IGF1R: variants seen among roughly 807,000 people sequenced by gnomAD.
The protein encoded by IGF1R is insulin-like growth factor 1 receptor.
IGF1R carries 44 observed loss-of-function variants against 144.6 expected under a neutral mutation model. The ratio of observed to expected loss-of-function variants is 0.30; its 90% CI spans 0.24 to 0.39. The LOEUF (loss-of-function observed/expected upper bound fraction) is 0.39. Ranked by LOEUF, IGF1R falls within the 10% of genes least tolerant of loss-of-function variation. The pLI is 1.00. For synonymous variants in IGF1R, 795 were observed against 722.8 expected, an observed-to-expected ratio of 1.10 and a Z score of -1.60; for missense variants, 1,355 against 1,833.7, an observed-to-expected ratio of 0.74 and a Z score of 4.77.
chr15:98,748,417 C>T (rs1327346719), intron 2 of IGF1R, among the ~76,000 whole-genome samples: 4 of 152,302 alleles, frequency 2.6e-5, no homozygotes, highest in African/African-American at 7.2e-5. Flanking sequence ...TCAAGTGATC[C>T]TCCTTCCCCA....
At chr15:98,928,568 T>C (rs888684572) in intron 13 of IGF1R, among the ~76,000 whole-genome samples, 1 of 152,218 alleles carries the variant, frequency 6.6e-6, no homozygotes, top group South Asian at 2.1e-4. Flanking sequence ...TCCAGTATCA[T>C]CATTTTCTAG....
intron 2 of IGF1R, among the ~76,000 whole-genome samples, chr15:98,829,447 G>A (rs763348731): frequency 4.6e-5 from 7 of 152,160 alleles, no homozygotes; most frequent in Non-Finnish European, 7.3e-5. Context: ...AGATGTTTGG[G>A]GGTTCAGATG....
At chr15:98,689,880 G>T (rs548041838) in intron 1 of IGF1R, among the ~76,000 whole-genome samples, 2 of 152,280 alleles carry the variant, frequency 1.3e-5, no homozygotes, top group Admixed American at 1.3e-4. Flanking sequence ...CTGTCCTCAC[G>T]CTGCCCTCAA....
chr15:98,813,972 G>C, intron 2 of IGF1R, among the ~76,000 whole-genome samples: 1 of 152,272 alleles, frequency 6.6e-6, no homozygotes, highest in East Asian at 1.9e-4. Context: ...GATGAGGTCC[G>C]GAATAGGTTC....
At chr15:98,918,793 C>T (rs576582412) in intron 10 of IGF1R, among the ~76,000 whole-genome samples, 14 of 152,252 alleles carry the variant, frequency 9.2e-5, no homozygotes, top group African/African-American at 3.1e-4. Context: ...GCAGGATAAT[C>T]GCTTGAACCC....
intron 2 of IGF1R, among the ~76,000 whole-genome samples, chr15:98,766,194 A>T (rs1344950710): frequency 1.3e-5 from 2 of 152,198 alleles, no homozygotes; most frequent in African/African-American, 4.8e-5. Flanking sequence ...TCATTGAATC[A>T]GAATTCCCCT....
At chr15:98,700,451 G>A (rs2053701111) in intron 1 of IGF1R, among the ~76,000 whole-genome samples, 1 of 152,158 alleles carries the variant, frequency 6.6e-6, no homozygotes, top group Non-Finnish European at 1.5e-5. Context: ...TCCTAGGGCA[G>A]TGGGTCTCAC....
At position 98,860,271 on chromosome 15, in the gene IGF1R, G is replaced by A. The variant is rs1450980362; in HGVS notation, c.641-31054G>A. On this transcript the variant is annotated intron_variant, in intron 2 of 20. Coordinates refer to ENST00000650285, the MANE Select transcript of IGF1R (RefSeq NM_000875.5). ...AAGTCATGATTTTCGGAGTCAGTGCGCAGCACTTAGTACAACAATCCAAAC... is the reference window on the plus strand; with the variant it reads ...AAGTCATGATTTTCGGAGTCAGTGCACAGCACTTAGTACAACAATCCAAAC... Among the ~76,000 whole-genome samples the A allele has an allele frequency of 3.3e-5, 5 of 152,224 alleles. No homozygotes were observed. The South Asian group carries it at 6.2e-4, about 19-fold the overall frequency.
Position 98,707,732 on chromosome 15 carries a change from C to A in IGF1R, c.265C>A (p.Arg89=), listed in dbSNP as rs121912428. 1 of 1,613,994 alleles carries A rather than the reference C, an allele frequency of 6.2e-7. No homozygotes were observed. Among genetic ancestry groups the A allele is most frequent in the African/African-American group, 1.3e-5 (1 of 74,884 alleles). ...TVITEYLLLF[R]VAGLESLGDL... ...CATTACCGAGTACTTGCTGCTGTTC[C>A]GAGTGGCTGGCCTCGAGAGCCTCGG... Residue 89 remains arginine (R), a synonymous_variant, in exon 2 of 21, where the codon CGA becomes AGA. Coordinates refer to ENST00000650285, the MANE Select transcript of IGF1R (RefSeq NM_000875.5). The surrounding 1 kb of genome is among the most constrained non-coding windows in gnomAD (Gnocchi z 6.7).
intron 13 of IGF1R, 125 bp downstream of exon 13, chr15:98,924,809 G>T: frequency 1.1e-6 from 1 of 908,106 alleles, no homozygotes; most frequent in Non-Finnish European, 1.8e-6. Flanking sequence ...GCTTCCAGAA[G>T]GGTCATGCTA....
At chr15:98,877,077 G>A (rs1292265882) in intron 2 of IGF1R, among the ~76,000 whole-genome samples, 1 of 152,210 alleles carries the variant, frequency 6.6e-6, no homozygotes, top group Non-Finnish European at 1.5e-5. Context: ...AAGCTGGAAA[G>A]ATAAGAAATA....
intron 2 of IGF1R, among the ~76,000 whole-genome samples, chr15:98,770,331 G>T (rs2055553089): frequency 6.6e-6 from 1 of 152,234 alleles, no homozygotes; most frequent in Admixed American, 6.5e-5. Context: ...GGTTACCAGA[G>T]ACTGGGAAAG....
intron 2 of IGF1R, among the ~76,000 whole-genome samples, chr15:98,732,334 T>G (rs1358703515): frequency 6.6e-6 from 1 of 152,160 alleles, no homozygotes; most frequent in Non-Finnish European, 1.5e-5. Flanking sequence ...GATAAGTCAA[T>G]TCAGGCAGAT....
Position 98,893,750 on chromosome 15 carries a change from C to T in IGF1R, c.953+2113C>T, listed in dbSNP as rs905408018. ...GTCCATTTGACAGTGTTGTTTCTTC[C>T]GCTCTAGTGCACTCTTCAGAGAATT... On this transcript the variant is annotated intron_variant, in intron 3 of 20. Coordinates refer to ENST00000650285, the MANE Select transcript of IGF1R (RefSeq NM_000875.5). 9.9e-5 allele frequency among the ~76,000 whole-genome samples: 15 copies of T among 152,276 alleles called. No individual in the cohort carries two copies. The South Asian group carries it at 1.2e-3, about 13-fold the overall frequency.
intron 14 of IGF1R, 59 bp from the exon 15 acceptor site, chr15:98,930,176 T>C (rs1454280122): frequency 2.8e-5 from 31 of 1,123,230 alleles, no homozygotes; most frequent in Non-Finnish European, 2.7e-5. Flanking sequence ...AAGATGAAAG[T>C]ATATACAGGA....
At chr15:98,888,710 C>T (rs1437617504) in intron 2 of IGF1R, among the ~76,000 whole-genome samples, 2 of 152,148 alleles carry the variant, frequency 1.3e-5, no homozygotes, top group African/African-American at 4.8e-5. Flanking sequence ...GAATGGGTTT[C>T]TTCTTCACTT....
intron 1 of IGF1R, among the ~76,000 whole-genome samples, chr15:98,674,722 A>G (rs1012463768): frequency 6.6e-6 from 1 of 152,212 alleles, no homozygotes; most frequent in Admixed American, 6.5e-5. Flanking sequence ...CTGTCTCTCT[A>G]TAAAAGGAAA....
chr15:98,956,791 T>C (rs1262613755), intron 20 of IGF1R, among the ~76,000 whole-genome samples: 1 of 152,230 alleles, frequency 6.6e-6, no homozygotes, highest in Admixed American at 6.5e-5. Flanking sequence ...CCTGGATTAG[T>C]CCTTCTTGGG....
At chr15:98,850,395 G>T (rs545458748) in intron 2 of IGF1R, among the ~76,000 whole-genome samples, 188 of 152,324 alleles carry the variant, frequency 1.2e-3, no homozygotes, top group Non-Finnish European at 2.2e-3. Flanking sequence ...CCATGGTCTG[G>T]AGACTGGAAT....
Sources: gnomAD v4.1 joint callset for allele counts (sites outside exome capture counted in the v4.1 genomes callset) on GRCh38, gnomAD v4.1.1 for gene constraint, Gnocchi (gnomAD v3.1) non-coding constraint, MANE v1.5 for transcripts, NCBI Gene and HGNC (gene_info 2026-07-23, HGNC 2026-07-21) for gene names.